ASB15: variants seen among roughly 807,000 people sequenced by gnomAD.
ASB15 encodes ankyrin repeat and SOCS box protein 15.
A neutral mutation model predicts 58.0 loss-of-function variants in ASB15; 54 were observed. That is an observed-to-expected ratio of 0.93 (90% confidence interval 0.75 to 1.17). The LOEUF (loss-of-function observed/expected upper bound fraction) is 1.17, where lower values mean the gene tolerates loss of function less well. ASB15 is among the 50% of genes most tolerant of loss of function. The pLI is 0.00. For missense variants in ASB15, 680 were observed against 707.4 expected, an observed-to-expected ratio of 0.96 and a Z score of 0.44; for synonymous variants, 249 against 262.4, an observed-to-expected ratio of 0.95 and a Z score of 0.50.
In ASB15 at chr7:123,627,323, C is replaced by T. The variant is rs193144020; in HGVS notation, c.869+42C>T. Reference sequence around the variant, plus strand: ...AGGGTAATTATTTGAGTTAAAAATGCTAATTTGTATATACAGTATAATCAC... The same window carrying T: ...AGGGTAATTATTTGAGTTAAAAATGTTAATTTGTATATACAGTATAATCAC... On this transcript the variant is annotated intron_variant, in intron 9 of 11. Coordinates refer to ENST00000451215, the MANE Select transcript of ASB15 (RefSeq NM_001290258.2). 144 of 1,520,198 alleles carry T rather than the reference C, an allele frequency of 9.5e-5. No homozygotes were observed. The East Asian group carries it at 3.2e-3, about 34-fold the overall frequency. 94.2% of individuals were successfully genotyped at this position (1,520,198 alleles called of 1,614,324 possible). A position where few individuals can be genotyped will look rare whatever the true frequency, so the allele number is the denominator to read the frequency against.
chr7:123,597,920 G>GTGTGTGTA (rs1554387394), upstream of ASB15, among the ~76,000 whole-genome samples: 1 of 72,832 alleles, frequency 1.4e-5, no homozygotes, highest in African/African-American at 4.8e-5. Context: ...CAAACTTCGT[G>GTGTGTGTA]TGTGTGTGTG....
intron 1 of ASB15, among the ~76,000 whole-genome samples, chr7:123,603,786 G>A (rs2116425338): frequency 6.6e-6 from 1 of 152,320 alleles, no homozygotes; most frequent in South Asian, 2.1e-4. Context: ...GCATACAATT[G>A]CACAGAAAAC....
intron 1 of ASB15, among the ~76,000 whole-genome samples, chr7:123,567,899 A>G (rs1798803078): frequency 1.3e-5 from 2 of 152,014 alleles, no homozygotes; most frequent in African/African-American, 4.8e-5. Context: ...GATGTTATCC[A>G]TCTCTTGTGC....
chr7:123,585,332 A>G (rs1799346868), intron 1 of ASB15, among the ~76,000 whole-genome samples: 1 of 151,706 alleles, frequency 6.6e-6, no homozygotes, highest in Non-Finnish European at 1.5e-5. Flanking sequence ...AGCAGAAGAG[A>G]CAACTTCCTC....
At chr7:123,631,674 A>C (rs950183359) in intron 11 of ASB15, among the ~76,000 whole-genome samples, 1 of 152,196 alleles carries the variant, frequency 6.6e-6, no homozygotes, top group Admixed American at 6.5e-5. Flanking sequence ...TCTAACCACC[A>C]TATTTTGAGT....
intron 10 of ASB15, 34 bp downstream of exon 10, chr7:123,629,468 A>G (rs1235188497): frequency 5.4e-6 from 8 of 1,476,340 alleles, no homozygotes; most frequent in Non-Finnish European, 7.4e-6. Flanking sequence ...ATATTGAGTT[A>G]TCATCCTAAT....
intron 1 of ASB15, among the ~76,000 whole-genome samples, chr7:123,575,617 C>A (rs528240076): frequency 6.6e-6 from 1 of 152,036 alleles, no homozygotes; most frequent in South Asian, 2.1e-4. Context: ...GTCATAGTTA[C>A]CCAAGCCATT....
chr7:123,627,395 A>G (rs2116636878), intron 9 of ASB15, 114 bp downstream of exon 9: 1 of 820,212 alleles, frequency 1.2e-6, no homozygotes, highest in East Asian at 3.1e-5. Context: ...AATAGGCATA[A>G]TCTTCAGGTT....
chr7:123,629,472 T>C lies in ASB15; in HGVS notation c.1440+38T>C, dbSNP rs115142564. On this transcript the variant is annotated intron_variant, in intron 10 of 11. Coordinates refer to ENST00000451215, the MANE Select transcript of ASB15 (RefSeq NM_001290258.2). ...TTTTCTGCTTTATATTGAGTTATCATCCTAATTTAATACATGTTCATTCAA... is the reference window on the plus strand; with the variant it reads ...TTTTCTGCTTTATATTGAGTTATCACCCTAATTTAATACATGTTCATTCAA... 1.5e-3 allele frequency: 2,161 copies of C among 1,459,952 alleles called. 30 individuals are homozygous for C. The African/African-American group carries it at 0.026, about 18-fold the overall frequency. The allele number at this position is 1,459,952 out of a possible 1,614,324, so 90.4% of individuals were successfully genotyped here.
chr7:123,582,419 C>G (rs1220094106), intron 1 of ASB15, among the ~76,000 whole-genome samples: 1 of 151,978 alleles, frequency 6.6e-6, no homozygotes, highest in Non-Finnish European at 1.5e-5. Context: ...TGCCACCGTC[C>G]TGGAGGAAGA....
chr7:123,593,505 G>C (rs1425912737), intron 1 of ASB15, among the ~76,000 whole-genome samples: 1 of 152,100 alleles, frequency 6.6e-6, no homozygotes, highest in African/African-American at 2.4e-5. Context: ...GTCTATAAAG[G>C]ATTTTATTTC....
chr7:123,611,184 G>A (rs1800429565), intron 3 of ASB15, among the ~76,000 whole-genome samples: 1 of 152,064 alleles, frequency 6.6e-6, no homozygotes. Flanking sequence ...ATATTGTCTG[G>A]CCTTTCCTCA....
At chr7:123,585,246 A>C (rs1198075154) in intron 1 of ASB15, among the ~76,000 whole-genome samples, 1 of 151,736 alleles carries the variant, frequency 6.6e-6, no homozygotes, top group Admixed American at 6.6e-5. Context: ...AATTTCTGAA[A>C]ATTGAAAAAT....
At chr7:123,569,872 A>T (rs1798858634) in intron 1 of ASB15, among the ~76,000 whole-genome samples, 1 of 152,174 alleles carries the variant, frequency 6.6e-6, no homozygotes, top group Admixed American at 6.5e-5. Context: ...GGGAATTTGA[A>T]TGTGATAAGA....
chr7:123,567,331 G>A (rs1180124063), intron 1 of ASB15, among the ~76,000 whole-genome samples: 3 of 152,206 alleles, frequency 2.0e-5, no homozygotes, highest in Non-Finnish European at 4.4e-5. Flanking sequence ...TCCTCTTCAG[G>A]AAGGAGATGA....
At chr7:123,581,692 T>G (rs1273367325) in intron 1 of ASB15, among the ~76,000 whole-genome samples, 1 of 151,954 alleles carries the variant, frequency 6.6e-6, no homozygotes, top group East Asian at 1.9e-4. Context: ...TGATTCCTAC[T>G]AGATAGTAGG....
intron 1 of ASB15, among the ~76,000 whole-genome samples, chr7:123,568,558 G>A (rs930414686): frequency 6.6e-6 from 1 of 151,670 alleles, no homozygotes; most frequent in Non-Finnish European, 1.5e-5. Context: ...AAACCTATGG[G>A]AGGATTGAAT....
In ASB15 at chr7:123,617,237, A is replaced by C. The variant is rs1800877182; in HGVS notation, c.293-342A>C. Among the ~76,000 whole-genome samples, 3 of 152,056 alleles carry C rather than the reference A, an allele frequency of 2.0e-5. No homozygotes were observed. In the South Asian group the frequency reaches 6.2e-4, roughly 32 times the overall value. On this transcript the variant is annotated intron_variant, in intron 6 of 11. Transcript: ENST00000451215. ...GTACATTCTCCATTCCCACATTCAC[A>C]GATTTCATTTCACAAAAAAACAATT...
rs199896063 is a variant in ASB15, at chr7:123,636,777, A to T, written c.1595-32A>T. 56 of 1,567,246 alleles carry T rather than the reference A, an allele frequency of 3.6e-5. 1 individual carries two copies. Among genetic ancestry groups the T allele is most frequent in the Middle Eastern group, 3.6e-4 (2 of 5,572 alleles). Reference sequence around the variant, plus strand: ...TAGGGGCCAATCCACTATTTAAAAAATTTTTTTGCTTATTTTCCCGATTTC... The same window carrying T: ...TAGGGGCCAATCCACTATTTAAAAATTTTTTTTGCTTATTTTCCCGATTTC... On this transcript the variant is annotated intron_variant, in intron 11 of 11. Transcript: ENST00000451215.
Sources: gnomAD v4.1 joint callset for allele counts (sites outside exome capture counted in the v4.1 genomes callset) on GRCh38, gnomAD v4.1.1 for gene constraint, MANE v1.5 for transcripts, NCBI Gene and HGNC (gene_info 2026-07-23, HGNC 2026-07-21) for gene names.